Variants in SPATA16 observed in about 807,000 individuals in gnomAD.
SPATA16 encodes the protein spermatogenesis-associated protein 16.
A neutral mutation model predicts 63.3 loss-of-function variants in SPATA16; 36 were observed. That is an observed-to-expected ratio of 0.57 (90% CI 0.44 to 0.75). SPATA16 has a LOEUF of 0.75. SPATA16 is among the 30% of genes least tolerant of loss of function. The probability of loss-of-function intolerance (pLI) is 0.00; values close to 1 mark genes in which losing one functional copy is unlikely to be tolerated. For synonymous variants in SPATA16, 203 were observed against 216.7 expected, an observed-to-expected ratio of 0.94 and a Z score of 0.56; for missense variants, 646 against 679.3, an observed-to-expected ratio of 0.95 and a Z score of 0.54.
At chr3:173,082,642 G>C (rs572098121) in intron 2 of SPATA16, among the ~76,000 whole-genome samples, 2 of 152,346 alleles carry the variant, frequency 1.3e-5, no homozygotes, top group East Asian at 3.9e-4. Flanking sequence ...CTGGCCCCCA[G>C]AGGTGGGTCT....
chr3:173,059,982 C>T (rs1047277899), intron 2 of SPATA16, among the ~76,000 whole-genome samples: 1 of 151,850 alleles, frequency 6.6e-6, no homozygotes, highest in Non-Finnish European at 1.5e-5. Flanking sequence ...GCTGGCTGGG[C>T]ACAGTGGCTC....
chr3:172,918,287 C>G (rs914836079), intron 8 of SPATA16, among the ~76,000 whole-genome samples: 1 of 152,060 alleles, frequency 6.6e-6, no homozygotes, highest in Non-Finnish European at 1.5e-5. Context: ...GTGACTCAAC[C>G]CTAAAGAGCA....
Position 172,977,071 on chromosome 3 carries a change from T to TAAA in SPATA16, c.849-22_849-20dup. On this transcript the variant is annotated intron_variant, in intron 4 of 10. Transcript: ENST00000351008. The stretch of plus-strand genomic sequence containing the variant: ...GGCACTCCTAAGAACAAGGACAGAT[T>TAAA]AAAAAAAAAACAAAAACAAATGTAT... 6.8e-7 allele frequency: 1 copy of TAAA among 1,475,300 alleles called. No homozygotes were observed. Among genetic ancestry groups the TAAA allele is most frequent in the African/African-American group, 1.4e-5 (1 of 70,074 alleles). The allele number at this position is 1,475,300 out of a possible 1,614,324, so 91.4% of individuals were successfully genotyped here.
At chr3:173,081,317 A>G (rs1368418078) in intron 2 of SPATA16, among the ~76,000 whole-genome samples, 2 of 152,144 alleles carry the variant, frequency 1.3e-5, no homozygotes, top group Non-Finnish European at 2.9e-5. Flanking sequence ...CCACCATTCT[A>G]TTCCTATGCC....
At chr3:172,994,934 T>C (rs961707286) in intron 4 of SPATA16, among the ~76,000 whole-genome samples, 1 of 152,048 alleles carries the variant, frequency 6.6e-6, no homozygotes, top group Non-Finnish European at 1.5e-5. Context: ...TTAGAACATG[T>C]TTTGCTTGAA....
intron 3 of SPATA16, among the ~76,000 whole-genome samples, chr3:173,026,568 AAC>A (rs1299879939): frequency 1.3e-5 from 2 of 151,976 alleles, no homozygotes; most frequent in Non-Finnish European, 2.9e-5. Flanking sequence ...TGATAGTTTT[AAC>A]AGTTATAAAC....
chr3:172,942,986 A>G (rs747958813), intron 6 of SPATA16, among the ~76,000 whole-genome samples: 5 of 152,208 alleles, frequency 3.3e-5, no homozygotes, highest in Non-Finnish European at 5.9e-5. Flanking sequence ...GAGATGAAAT[A>G]CAATGAAAGT....
intron 2 of SPATA16, among the ~76,000 whole-genome samples, chr3:173,051,491 G>T (rs550741138): frequency 2.6e-5 from 4 of 152,096 alleles, no homozygotes; most frequent in Non-Finnish European, 5.9e-5. Context: ...GTGAGCCACC[G>T]TGCCCAGCCA....
At chr3:172,957,596 G>A (rs1198793487) in intron 5 of SPATA16, among the ~76,000 whole-genome samples, 1 of 152,114 alleles carries the variant, frequency 6.6e-6, no homozygotes, top group African/African-American at 2.4e-5. Flanking sequence ...TGAATAAAAC[G>A]TGGAAGTGTC....
chr3:173,017,895 A>G (rs1438518381), intron 4 of SPATA16, among the ~76,000 whole-genome samples: 1 of 152,224 alleles, frequency 6.6e-6, no homozygotes, highest in South Asian at 2.1e-4. Context: ...GTGAAACAGA[A>G]GGACACTTAC....
At chr3:173,091,624 T>C (rs1737222933) in intron 2 of SPATA16, among the ~76,000 whole-genome samples, 1 of 152,126 alleles carries the variant, frequency 6.6e-6, no homozygotes, top group South Asian at 2.1e-4. Context: ...TAAGGAACAC[T>C]TGCAAGACAT....
rs537310745 is a variant in SPATA16, at chr3:173,069,004, G to T, written c.613-19910C>A. 2.0e-5 allele frequency among the ~76,000 whole-genome samples: 3 copies of T among 151,376 alleles called. No individual in the cohort carries two copies. The East Asian group carries it at 5.8e-4, about 29-fold the overall frequency. On this transcript the variant is annotated intron_variant, in intron 2 of 10. Coordinates refer to ENST00000351008, the MANE Select transcript of SPATA16 (RefSeq NM_031955.6). Reference sequence around the variant, plus strand: ...AGGCGCCTGTAGTCCCAGCTACTCGGGAGGCTGAGGCAGGAGAATGGCGTG... The same window carrying T: ...AGGCGCCTGTAGTCCCAGCTACTCGTGAGGCTGAGGCAGGAGAATGGCGTG...
chr3:173,027,658 G>C (rs1394067207), intron 3 of SPATA16, among the ~76,000 whole-genome samples: 1 of 151,698 alleles, frequency 6.6e-6, no homozygotes, highest in Non-Finnish European at 1.5e-5. Context: ...TCTCATTTTA[G>C]AGAGTGTTTT....
intron 2 of SPATA16, among the ~76,000 whole-genome samples, chr3:173,101,481 G>A (rs758038201): frequency 4.6e-5 from 7 of 152,134 alleles, no homozygotes; most frequent in Non-Finnish European, 1.0e-4. Context: ...CTGTCCCTCA[G>A]TACAATATTA....
At chr3:172,965,353 G>A (rs1262368194) in intron 5 of SPATA16, among the ~76,000 whole-genome samples, 1 of 152,154 alleles carries the variant, frequency 6.6e-6, no homozygotes, top group Non-Finnish European at 1.5e-5. Flanking sequence ...ATATATGAAA[G>A]GTTCTTGCAC....
intron 2 of SPATA16, among the ~76,000 whole-genome samples, chr3:173,076,713 C>T (rs1736812752): frequency 6.6e-6 from 1 of 151,998 alleles, no homozygotes; most frequent in Admixed American, 6.6e-5. Flanking sequence ...AGAGTTTGCT[C>T]TTAAAAATAG....
At chr3:173,003,132 A>C (rs1445467851) in intron 4 of SPATA16, among the ~76,000 whole-genome samples, 1 of 152,190 alleles carries the variant, frequency 6.6e-6, no homozygotes, top group South Asian at 2.1e-4. Flanking sequence ...AATTACCTAC[A>C]ACACATATTA....
intron 3 of SPATA16, among the ~76,000 whole-genome samples, chr3:173,024,682 T>C (rs1367211965): frequency 1.3e-5 from 2 of 150,888 alleles, no homozygotes; most frequent in African/African-American, 4.8e-5. Context: ...AATCGTATAC[T>C]AAAATTAAGT....
At chr3:173,082,874 T>C (rs943332531) in intron 2 of SPATA16, among the ~76,000 whole-genome samples, 3 of 152,156 alleles carry the variant, frequency 2.0e-5, no homozygotes, top group Admixed American at 1.3e-4. Context: ...AGTTTTTTTT[T>C]CTACTTCTTT....
Sources: allele counts gnomAD v4.1 joint callset (sites outside exome capture counted in the v4.1 genomes callset), GRCh38; gene constraint gnomAD v4.1.1; transcripts MANE v1.5; gene names NCBI Gene and HGNC (gene_info 2026-07-23, HGNC 2026-07-21).